The following SYT9 variants were observed in gnomAD, a reference collection of about 807,000 sequenced individuals.
The protein encoded by SYT9 is synaptotagmin-9.
SYT9 carries 22 observed loss-of-function variants against 48.4 expected under a neutral mutation model. The ratio of observed to expected loss-of-function variants is 0.45; its 90% CI spans 0.32 to 0.65. The LOEUF is 0.65. Among genes scored for constraint, SYT9 ranks in the 30% least tolerant of loss-of-function variants. SYT9 has a pLI of 0.03. For synonymous variants in SYT9, 265 were observed against 245.0 expected (o/e 1.08, Z -0.76); for missense variants, 577 against 622.0 (o/e 0.93, Z 0.77).
intron 6 of SYT9, chr11:7,439,179 A>G (rs2134130998): frequency 6.6e-6 from 1 of 152,366 alleles, no homozygotes; most frequent in South Asian, 2.1e-4. Context: ...AATTATAGAA[A>G]CTGGAATTAT....
intron 1 of SYT9, chr11:7,239,051 A>C (rs150735699): frequency 2.4e-6 from 1 of 409,540 alleles, no homozygotes; most frequent in Non-Finnish European, 4.9e-6. Context: ...GTTTCTGGCT[A>C]CCTGACACCC....
chr11:7,410,471 T>C lies in SYT9; in HGVS notation c.1045-5571T>C, dbSNP rs868517504. On this transcript the variant is annotated intron_variant, in intron 3 of 6. Coordinates refer to ENST00000318881, the MANE Select transcript of SYT9 (RefSeq NM_175733.4). ...TCCCCAATATTATTTTATGGGAGTCTGTCTCTCTCTTTAGCTCTAGTTATA... is the reference window on the plus strand; with the variant it reads ...TCCCCAATATTATTTTATGGGAGTCCGTCTCTCTCTTTAGCTCTAGTTATA... Among the ~76,000 whole-genome samples, 65 of 152,232 alleles carry C rather than the reference T, an allele frequency of 4.3e-4. 1 individual carries two copies. The highest frequency in any genetic ancestry group is 1.5e-4 in the Non-Finnish European group (10 of 68,034).
At chr11:7,250,455 C>G (rs1009903782), upstream of SYT9, among the ~76,000 whole-genome samples, 29 of 146,920 alleles carry the variant, frequency 2.0e-4, 1 homozygote, top group African/African-American at 7.0e-4. Flanking sequence ...CCCGCCACCC[C>G]CCCCCAGCAT....
intron 6 of SYT9, among the ~76,000 whole-genome samples, chr11:7,430,856 C>A (rs556572703): frequency 1.0e-3 from 152 of 152,218 alleles, no homozygotes; most frequent in Admixed American, 2.8e-3. Context: ...GCTTTTGGTA[C>A]AGCCTGAAGA....
At chr11:7,285,761 T>A (rs1848584649) in intron 1 of SYT9, among the ~76,000 whole-genome samples, 5 of 152,078 alleles carry the variant, frequency 3.3e-5, no homozygotes, top group Non-Finnish European at 1.5e-5. Flanking sequence ...ATTGGGAAAA[T>A]ACACCCATTT....
intron 6 of SYT9, among the ~76,000 whole-genome samples, chr11:7,446,485 T>A (rs1847932342): frequency 6.6e-6 from 1 of 152,184 alleles, no homozygotes; most frequent in Non-Finnish European, 1.5e-5. Flanking sequence ...GAGGGCTTAC[T>A]CTTGGGCTGG....
chr11:7,384,710 C>T (rs1040276027), intron 3 of SYT9, among the ~76,000 whole-genome samples: 19 of 152,170 alleles, frequency 1.2e-4, no homozygotes, highest in African/African-American at 4.6e-4. Context: ...TACTTTTCTA[C>T]TTCAATCTTT....
intron 1 of SYT9, among the ~76,000 whole-genome samples, chr11:7,275,474 T>C (rs1396289458): frequency 6.6e-6 from 1 of 152,194 alleles, no homozygotes; most frequent in East Asian, 1.9e-4. Context: ...CAACACCAAA[T>C]CCCATTCTAT....
chr11:7,239,035 G>T, intron 1 of SYT9: 2 of 424,388 alleles, frequency 4.7e-6, no homozygotes, highest in Non-Finnish European at 9.5e-6. Flanking sequence ...ACAGAACATG[G>T]ATATTGTTTC....
intron 3 of SYT9, among the ~76,000 whole-genome samples, chr11:7,349,356 C>T (rs58152607): frequency 0.02 from 2,820 of 143,172 alleles, 85 homozygotes; most frequent in African/African-American, 0.068. Context: ...TTATGATGTA[C>T]ATTTTACCAC....
intron 3 of SYT9, among the ~76,000 whole-genome samples, chr11:7,354,806 C>T (rs1849985241): frequency 6.6e-6 from 1 of 152,028 alleles, no homozygotes. Context: ...ATATATCTGT[C>T]ATCTAACTTG....
chr11:7,260,214 C>G (rs1316151031), intron 1 of SYT9, among the ~76,000 whole-genome samples: 1 of 151,990 alleles, frequency 6.6e-6, no homozygotes, highest in Non-Finnish European at 1.5e-5. Flanking sequence ...ACAATAATGG[C>G]AATTAATAAA....
intron 1 of SYT9, among the ~76,000 whole-genome samples, chr11:7,297,231 C>T (rs1010050640): frequency 6.6e-6 from 1 of 152,094 alleles, no homozygotes. Flanking sequence ...GAGATTCTGC[C>T]TACCAAAATA....
At chr11:7,316,441 G>A (rs959313224) in intron 3 of SYT9, among the ~76,000 whole-genome samples, 8 of 151,882 alleles carry the variant, frequency 5.3e-5, no homozygotes, top group Non-Finnish European at 8.8e-5. Flanking sequence ...CATTGATTAT[G>A]GCATTTAGTA....
At chr11:7,420,942 T>C (rs1207992008) in intron 6 of SYT9, among the ~76,000 whole-genome samples, 1 of 152,150 alleles carries the variant, frequency 6.6e-6, no homozygotes, top group Non-Finnish European at 1.5e-5. Flanking sequence ...CTGCAAGGTG[T>C]GGGTGAGTGG....
At chr11:7,431,667 G>A (rs55930105) in intron 6 of SYT9, among the ~76,000 whole-genome samples, 4 of 152,068 alleles carry the variant, frequency 2.6e-5, no homozygotes, top group South Asian at 2.1e-4. Flanking sequence ...AGGGCCCCAC[G>A]GCCCTGTGCA....
At chr11:7,295,585 C>T (rs561853902) in intron 1 of SYT9, among the ~76,000 whole-genome samples, 55 of 152,294 alleles carry the variant, frequency 3.6e-4, no homozygotes, top group African/African-American at 1.3e-3. Context: ...CTTAATGGTC[C>T]ATTCATGGCA....
intron 1 of SYT9, among the ~76,000 whole-genome samples, chr11:7,283,372 A>AT (rs1161020042): frequency 6.6e-6 from 1 of 151,984 alleles, no homozygotes; most frequent in Non-Finnish European, 1.5e-5. Context: ...ACCTAGAAGG[A>AT]TTTTCTTCTC....
intron 4 of SYT9, 82 bp from the exon 5 acceptor site, chr11:7,417,875 C>T: frequency 6.9e-7 from 1 of 1,440,686 alleles, no homozygotes; most frequent in Non-Finnish European, 9.5e-7. Context: ...TACCATAGTC[C>T]ATGAAAACTC....
Sources: allele counts gnomAD v4.1 joint callset (sites outside exome capture counted in the v4.1 genomes callset), GRCh38; gene constraint gnomAD v4.1.1; transcripts MANE v1.5; gene names NCBI Gene and HGNC (gene_info 2026-07-23, HGNC 2026-07-21).